The following TOX variants were observed in gnomAD, a reference collection of about 807,000 sequenced individuals.
The protein encoded by TOX is thymocyte selection-associated high mobility group box protein TOX.
Under a neutral mutation model 53.7 loss-of-function variants are expected in TOX, and 11 were observed. The observed-to-expected ratio is 0.20, with a 90% CI of 0.13 to 0.34. TOX has a LOEUF of 0.34. Among genes scored for constraint, TOX ranks in the 10% least tolerant of loss-of-function variants. TOX has a pLI of 1.00. For synonymous variants in TOX, 225 were observed against 245.3 expected, an observed-to-expected ratio of 0.92 and a Z score of 0.77; for missense variants, 570 against 664.6, an observed-to-expected ratio of 0.86 and a Z score of 1.56.
chr8:59,082,143 T>G (rs1418712004), intron 1 of TOX, among the ~76,000 whole-genome samples: 1 of 152,214 alleles, frequency 6.6e-6, no homozygotes, highest in East Asian at 1.9e-4. Flanking sequence ...TGCATTGTAG[T>G]TCAATTTTAT....
chr8:58,969,668 A>G (rs1812967178), intron 1 of TOX, among the ~76,000 whole-genome samples: 1 of 152,134 alleles, frequency 6.6e-6, no homozygotes, highest in Admixed American at 6.6e-5. Flanking sequence ...TTCAGTTCCA[A>G]AGTGTCTTTG....
At chr8:58,832,883 T>C (rs1160223364) in intron 5 of TOX, among the ~76,000 whole-genome samples, 1 of 152,232 alleles carries the variant, frequency 6.6e-6, no homozygotes, top group Non-Finnish European at 1.5e-5. Flanking sequence ...TGAACTGCTA[T>C]GGCTAATATC....
chr8:58,888,298 T>C (rs1021852185), intron 3 of TOX, among the ~76,000 whole-genome samples: 3 of 152,032 alleles, frequency 2.0e-5, no homozygotes, highest in Non-Finnish European at 2.9e-5. Context: ...CCATTTATAA[T>C]AGCAAAATGA....
At chr8:59,037,743 AG>A (rs1378193124) in intron 1 of TOX, among the ~76,000 whole-genome samples, 2 of 149,132 alleles carry the variant, frequency 1.3e-5, no homozygotes, top group Non-Finnish European at 3.0e-5. Flanking sequence ...CGGAGGTTGC[AG>A]TGAGCCGAGA....
chr8:58,962,477 T>C (rs1356704226), intron 1 of TOX, among the ~76,000 whole-genome samples: 1 of 152,188 alleles, frequency 6.6e-6, no homozygotes, highest in Non-Finnish European at 1.5e-5. Context: ...TCAAGCTACA[T>C]AGCTTGTGAG....
chr8:58,943,760 A>C (rs1185201736), intron 2 of TOX, among the ~76,000 whole-genome samples: 1 of 151,978 alleles, frequency 6.6e-6, no homozygotes, highest in Non-Finnish European at 1.5e-5. Context: ...TCTTCATCAC[A>C]TTTTATAGTG....
In TOX at chr8:58,943,615, TA is replaced by T. The variant is rs752767981; in HGVS notation, c.169-4072del. Among the ~76,000 whole-genome samples, 790 of 130,798 alleles carry T rather than the reference TA, an allele frequency of 6.0e-3. 2 individuals are homozygous for T. Among genetic ancestry groups the T allele is most frequent in the Middle Eastern group, 8.1e-3 (2 of 246 alleles). The allele number at this position is 130,798 out of a possible 152,430, so 85.8% of individuals were successfully genotyped here. On this transcript the variant is annotated intron_variant, in intron 2 of 8. Transcript: ENST00000361421. ...CAAGAGGACTACTTTTTTTTTTTTC[TA>T]AAAAAAAAAAAAAACAAACAAATTA... is the stretch of plus-strand genomic sequence containing the variant.
At chr8:58,828,711 T>C (rs1002304884) in intron 5 of TOX, among the ~76,000 whole-genome samples, 3 of 152,138 alleles carry the variant, frequency 2.0e-5, no homozygotes, top group Non-Finnish European at 4.4e-5. Flanking sequence ...TTTTCATTGA[T>C]TTATTTTTTT....
chr8:58,984,262 A>G (rs1813280970), intron 1 of TOX, among the ~76,000 whole-genome samples: 1 of 152,212 alleles, frequency 6.6e-6, no homozygotes, highest in African/African-American at 2.4e-5. Flanking sequence ...TAAATCATAT[A>G]TATCTGATAA....
chr8:59,029,771 A>T (rs768981186), intron 1 of TOX, among the ~76,000 whole-genome samples: 2 of 152,218 alleles, frequency 1.3e-5, no homozygotes, highest in Non-Finnish European at 2.9e-5. Context: ...TATTTCAGCC[A>T]TTGTGCTCAC....
At chr8:58,914,709 C>A (rs1468534438) in intron 3 of TOX, among the ~76,000 whole-genome samples, 2 of 152,102 alleles carry the variant, frequency 1.3e-5, no homozygotes, top group African/African-American at 4.8e-5. Context: ...CCAAGATGGC[C>A]GAATAGGAAC....
At chr8:58,930,926 C>G (rs1812244667) in intron 3 of TOX, among the ~76,000 whole-genome samples, 1 of 152,148 alleles carries the variant, frequency 6.6e-6, no homozygotes, top group Admixed American at 6.5e-5. Flanking sequence ...TACTTAGAAT[C>G]CCTTTGTCCA....
intron 1 of TOX, among the ~76,000 whole-genome samples, chr8:59,114,423 A>G (rs1010604051): frequency 1.3e-5 from 2 of 152,200 alleles, no homozygotes; most frequent in Non-Finnish European, 2.9e-5. Context: ...AAACTTTTCT[A>G]TAATATCTGA....
At chr8:59,114,671 C>A (rs1157842311) in intron 1 of TOX, among the ~76,000 whole-genome samples, 1 of 152,176 alleles carries the variant, frequency 6.6e-6, no homozygotes, top group Non-Finnish European at 1.5e-5. Context: ...CTGCTTATAA[C>A]CCTCCCTTCT....
intron 5 of TOX, among the ~76,000 whole-genome samples, chr8:58,830,270 C>T (rs757894598): frequency 6.6e-6 from 1 of 152,110 alleles, no homozygotes; most frequent in Non-Finnish European, 1.5e-5. Context: ...AAGTTATATG[C>T]TGTGGTTTTT....
intron 6 of TOX, among the ~76,000 whole-genome samples, chr8:58,820,115 A>C (rs1359225311): frequency 6.6e-6 from 1 of 152,172 alleles, no homozygotes. Flanking sequence ...TCCATAGCTC[A>C]CCATGGCATG....
At chr8:59,021,658 C>T (rs1331986828) in intron 1 of TOX, among the ~76,000 whole-genome samples, 2 of 151,558 alleles carry the variant, frequency 1.3e-5, no homozygotes, top group South Asian at 2.1e-4. Context: ...TTGGTTTTCT[C>T]GAATAGTGAA....
intron 3 of TOX, among the ~76,000 whole-genome samples, chr8:58,856,201 A>T (rs911001439): frequency 2.0e-5 from 3 of 152,188 alleles, no homozygotes; most frequent in Admixed American, 6.5e-5. Flanking sequence ...TTCAAAGGTC[A>T]CCTTATCTAT....
At chr8:59,064,518 A>G (rs1365358102) in intron 1 of TOX, among the ~76,000 whole-genome samples, 1 of 152,270 alleles carries the variant, frequency 6.6e-6, no homozygotes, top group South Asian at 2.1e-4. Flanking sequence ...ATTTCTATGA[A>G]TAAAATGCGT....
Sources: allele counts gnomAD v4.1 joint callset (sites outside exome capture counted in the v4.1 genomes callset), GRCh38; gene constraint gnomAD v4.1.1; transcripts MANE v1.5; gene names NCBI Gene and HGNC (gene_info 2026-07-23, HGNC 2026-07-21).